Variants in KRTAP19-1 observed in about 807,000 individuals in gnomAD.
KRTAP19-1 encodes the protein keratin associated protein 19-1.
For synonymous variants in KRTAP19-1, 45 were observed against 48.3 expected, an observed-to-expected ratio of 0.93 and a Z score of 0.28; for missense variants, 116 against 113.6, an observed-to-expected ratio of 1.02 and a Z score of -0.10.
Position 30,480,284 on chromosome 21 carries a change from C to T in KRTAP19-1, c.34G>A (p.Gly12Ser), listed in dbSNP as rs777067792. 3.1e-6 allele frequency: 5 copies of T among 1,614,180 alleles called. No homozygotes were observed. The highest frequency in any genetic ancestry group is 1.7e-5 in the Admixed American group (1 of 60,014). ...SHYGSYYGGL[G>S]YSCGGFGGLG... ...CCACCGAAGCCTCCACAGCTGTAGC[C>T]CAGGCCTCCGTAGTAGCTGCCGTAG... Residue 12 changes from glycine (G) to serine (S), a missense_variant, in exon 1 of 1, where the codon GGC becomes AGC. By Grantham distance (56) the Gly-to-Ser change is moderately conservative. Transcript: ENST00000390689.
Position 30,480,125 on chromosome 21 carries a change from C to T in KRTAP19-1, c.193G>A (p.Gly65Ser), listed in dbSNP as rs1202478749. The T allele has an allele frequency of 6.2e-7, 1 of 1,600,244 alleles. No homozygotes were observed. Among genetic ancestry groups the T allele is most frequent in the Non-Finnish European group, 8.6e-7 (1 of 1,167,272 alleles). The change falls in exon 1 of 1, where the codon GGC (glycine) becomes AGC (serine). Residue 65 changes from glycine to serine, a missense_variant. Coordinates refer to ENST00000390689, the MANE Select transcript of KRTAP19-1 (RefSeq NM_181607.3). ...YGSGFGGYGY[G>S]SGFGGYGYGC... ...TATCCATAGCCTCCAAAGCCAGAGC[C>T]ATATCCGTAGCCTCCAAAGCCAGAG...
At position 30,479,863 on chromosome 21, in the gene KRTAP19-1, C is replaced by T; in HGVS notation, c.*182G>A. Reference sequence around the variant, plus strand: ...TGAATATGATTTCAGGTGACGGACTCCGAAAGTAAAAAGACAACAAATATT... The same window carrying T: ...TGAATATGATTTCAGGTGACGGACTTCGAAAGTAAAAAGACAACAAATATT... On this transcript the variant is annotated 3_prime_UTR_variant, in exon 1 of 1. Coordinates refer to ENST00000390689, the MANE Select transcript of KRTAP19-1 (RefSeq NM_181607.3). 1 of 887,210 alleles carries T rather than the reference C, an allele frequency of 1.1e-6. No homozygotes were observed. Among genetic ancestry groups the T allele is most frequent in the East Asian group, 2.5e-5 (1 of 40,590 alleles). 55.0% of individuals were successfully genotyped at this position (887,210 alleles called of 1,614,324 possible).
In KRTAP19-1 at chr21:30,480,179, C is replaced by T. The variant is rs1985732858; in HGVS notation, c.139G>A (p.Gly47Ser). Residue 47 changes from glycine (G) to serine (S), a missense_variant, in exon 1 of 1, where the codon GGC (glycine) becomes AGC (serine). Coordinates refer to ENST00000390689, the MANE Select transcript of KRTAP19-1 (RefSeq NM_181607.3). ...SGCGYGGYGY[G>S]SGFGSYGYGS... The stretch of plus-strand genomic sequence containing the variant: ...TATCCGTAGCTTCCAAAGCCAGAGC[C>T]ATATCCGTAGCCTCCATAGCCACAG... 2 of 1,614,008 alleles carry T rather than the reference C, an allele frequency of 1.2e-6. No individual in the cohort carries two copies. Among genetic ancestry groups the T allele is most frequent in the South Asian group, 1.1e-5 (1 of 91,078 alleles).
Position 30,480,326 on chromosome 21 carries a change from G to T in KRTAP19-1, c.-9C>A, listed in dbSNP as rs1428693498. Reference sequence around the variant, plus strand: ...CTGCCGTAGTGACTCATGGTGTCAGGAGTGGTGAGTTGGTTTGTTGTTCAG... The same window carrying T: ...CTGCCGTAGTGACTCATGGTGTCAGTAGTGGTGAGTTGGTTTGTTGTTCAG... On this transcript the variant is annotated 5_prime_UTR_variant, in exon 1 of 1. Coordinates refer to ENST00000390689, the MANE Select transcript of KRTAP19-1 (RefSeq NM_181607.3). 1.9e-6 allele frequency: 3 copies of T among 1,613,878 alleles called. No homozygotes were observed. The highest frequency in any genetic ancestry group is 1.3e-5 in the African/African-American group (1 of 74,936).
In KRTAP19-1 at chr21:30,480,089, G is replaced by C. The variant is rs779790994; in HGVS notation, c.229C>G (p.Arg77Gly). 112 of 1,613,936 alleles carry C rather than the reference G, an allele frequency of 6.9e-5. 1 individual carries two copies. The highest frequency in any genetic ancestry group is 9.3e-5 in the Non-Finnish European group (110 of 1,180,012). ...CCGTATCCTCCATTGTACGATGGGCGGCAGCAGCCATATCCATAGCCTCCA... is the reference window on the plus strand; with the variant it reads ...CCGTATCCTCCATTGTACGATGGGCCGCAGCAGCCATATCCATAGCCTCCA... ...GFGGYGYGCC[R>G]PSYNGGYGFS... Residue 77 changes from arginine (R) to glycine (G), a missense_variant, in exon 1 of 1, where the codon CGC becomes GGC. Coordinates refer to ENST00000390689, the MANE Select transcript of KRTAP19-1 (RefSeq NM_181607.3).
Position 30,480,366 on chromosome 21 carries a change from G to A in KRTAP19-1, c.-49C>T, listed in dbSNP as rs372648022. ...TTGTTGTTCAGGCAAGATCCTGAGTGTGAATGCCAGCATGTATAGGAGGTT... is the reference window on the plus strand; with the variant it reads ...TTGTTGTTCAGGCAAGATCCTGAGTATGAATGCCAGCATGTATAGGAGGTT... On this transcript the variant is annotated 5_prime_UTR_variant, in exon 1 of 1. Coordinates refer to ENST00000390689, the MANE Select transcript of KRTAP19-1 (RefSeq NM_181607.3). 1.3e-5 allele frequency: 21 copies of A among 1,606,514 alleles called. No individual in the cohort carries two copies. Among genetic ancestry groups the A allele is most frequent in the Admixed American group, 1.2e-4 (7 of 59,866 alleles).
Position 30,480,040 on chromosome 21 carries a change from T to A in KRTAP19-1, c.*5A>T, listed in dbSNP as rs111797391. ...TCTCCTCTGCTTCCAATTTCAGCAA[T>A]TCATTTAATAAAAGCCAGAGAATCC... On this transcript the variant is annotated 3_prime_UTR_variant, in exon 1 of 1. Transcript: ENST00000390689. 9 of 1,614,056 alleles carry A rather than the reference T, an allele frequency of 5.6e-6. No individual in the cohort carries two copies. Among genetic ancestry groups the A allele is most frequent in the Non-Finnish European group, 7.6e-6 (9 of 1,180,034 alleles).
chr21:30,480,141 A>C lies in KRTAP19-1; in HGVS notation c.177T>G (p.Phe59Leu). The C allele has an allele frequency of 6.2e-7, 1 of 1,613,436 alleles. No homozygotes were observed. Among genetic ancestry groups the C allele is most frequent in the African/African-American group, 1.3e-5 (1 of 74,970 alleles). Reference protein sequence around the residue: ...GFGSYGYGSGFGGYGYGSGFG... With the variant: ...GFGSYGYGSGLGGYGYGSGFG... ...AGCCAGAGCCATATCCGTAGCCTCC[A>C]AAGCCAGAGCCATATCCGTAGCTTC... Residue 59 changes from phenylalanine (F) to leucine (L), a missense_variant, in exon 1 of 1, where the codon TTT becomes TTG. Coordinates refer to ENST00000390689, the MANE Select transcript of KRTAP19-1 (RefSeq NM_181607.3).
rs1289827572 is a variant in KRTAP19-1, at chr21:30,480,113, C to T, written c.205G>A (p.Gly69Arg). ...CGGCAGCAGCCATATCCATAGCCTC[C>T]AAAGCCAGAGCCATATCCGTAGCCT... ...FGGYGYGSGF[G>R]GYGYGCCRPS... Residue 69 changes from glycine to arginine, a missense_variant, in exon 1 of 1, where the codon GGA (glycine) becomes AGA (arginine). Physicochemically the swap from Gly to Arg is moderately radical, Grantham distance 125 (BLOSUM62 -2). Transcript: ENST00000390689. 1.2e-6 allele frequency: 2 copies of T among 1,600,170 alleles called. No individual in the cohort carries two copies. The highest frequency in any genetic ancestry group is 2.2e-5 in the East Asian group (1 of 44,838).
rs2832908 is a variant in KRTAP19-1, at chr21:30,479,861, C to T, written c.*184G>A. Reference sequence around the variant, plus strand: ...CATGAATATGATTTCAGGTGACGGACTCCGAAAGTAAAAAGACAACAAATA... The same window carrying T: ...CATGAATATGATTTCAGGTGACGGATTCCGAAAGTAAAAAGACAACAAATA... On this transcript the variant is annotated 3_prime_UTR_variant, in exon 1 of 1. Transcript: ENST00000390689. 501,305 of 858,750 alleles carry T rather than the reference C, an allele frequency of 0.58. 148,903 individuals carry two copies. The highest frequency in any genetic ancestry group is 0.75 in the African/African-American group (44,614 of 59,128). 53.2% of individuals were successfully genotyped at this position (858,750 alleles called of 1,614,324 possible). A position where few individuals can be genotyped will look rare whatever the true frequency, so the allele number is the denominator to read the frequency against.
At chr21:30,480,069 TCC>T in the KRTAP19-1 span, 1 of 1,614,092 alleles carries the variant, frequency 6.2e-7, no homozygotes, top group Non-Finnish European at 8.5e-7. Flanking sequence ...AGAATCCGTA[TCC>T]TCCATTGTAC....
In KRTAP19-1 at chr21:30,480,002, A is replaced by G. The variant is rs772043888; in HGVS notation, c.*43T>C. ...ATGAAAGCACGGGACAGGACCAAAC[A>G]CATTTGGAGGTTTCTCCTCTGCTTC... On this transcript the variant is annotated 3_prime_UTR_variant, in exon 1 of 1. Coordinates refer to ENST00000390689, the MANE Select transcript of KRTAP19-1 (RefSeq NM_181607.3). The G allele has an allele frequency of 6.2e-7, 1 of 1,613,248 alleles. No individual in the cohort carries two copies. Among genetic ancestry groups the G allele is most frequent in the Non-Finnish European group, 8.5e-7 (1 of 1,179,254 alleles).
In KRTAP19-1 at chr21:30,479,726, T is replaced by C. The variant is rs1441704338; in HGVS notation, c.*319A>G. 3.6e-6 allele frequency: 1 copy of C among 276,018 alleles called. No individual in the cohort carries two copies. Among genetic ancestry groups the C allele is most frequent in the Non-Finnish European group, 6.9e-6 (1 of 145,632 alleles). 17.1% of individuals were successfully genotyped at this position (276,018 alleles called of 1,614,324 possible). On this transcript the variant is annotated 3_prime_UTR_variant, in exon 1 of 1. Transcript: ENST00000390689. ...AAATATTTATACTTTACTTCATTTA[T>C]TAGATAAAAGCAAAATACAAGTTTT... is the stretch of plus-strand genomic sequence containing the variant.
In KRTAP19-1 at chr21:30,479,865, G is replaced by A. The variant is rs534455550; in HGVS notation, c.*180C>T. 5.3e-5 allele frequency: 48 copies of A among 905,920 alleles called. 1 individual carries two copies. Among genetic ancestry groups the A allele is most frequent in the South Asian group, 2.2e-4 (13 of 59,208 alleles). The allele number at this position is 905,920 out of a possible 1,614,324, so 56.1% of individuals were successfully genotyped here. ...AATATGATTTCAGGTGACGGACTCCGAAAGTAAAAAGACAACAAATATTCA... is the reference window on the plus strand; with the variant it reads ...AATATGATTTCAGGTGACGGACTCCAAAAGTAAAAAGACAACAAATATTCA... On this transcript the variant is annotated 3_prime_UTR_variant, in exon 1 of 1. Transcript: ENST00000390689.
chr21:30,480,032 T>A lies in KRTAP19-1; in HGVS notation c.*13A>T, dbSNP rs776093990. Reference sequence around the variant, plus strand: ...TGGAGGTTTCTCCTCTGCTTCCAATTTCAGCAATTCATTTAATAAAAGCCA... The same window carrying A: ...TGGAGGTTTCTCCTCTGCTTCCAATATCAGCAATTCATTTAATAAAAGCCA... On this transcript the variant is annotated 3_prime_UTR_variant, in exon 1 of 1. Transcript: ENST00000390689. 6.2e-7 allele frequency: 1 copy of A among 1,614,172 alleles called. No individual in the cohort carries two copies. Among genetic ancestry groups the A allele is most frequent in the South Asian group, 1.1e-5 (1 of 91,074 alleles).
In KRTAP19-1 at chr21:30,479,727, T is replaced by A. The variant is rs1985716985; in HGVS notation, c.*318A>T. ...AATATTTATACTTTACTTCATTTAT[T>A]AGATAAAAGCAAAATACAAGTTTTT... On this transcript the variant is annotated 3_prime_UTR_variant, in exon 1 of 1. Transcript: ENST00000390689. 1 of 278,724 alleles carries A rather than the reference T, an allele frequency of 3.6e-6. No individual in the cohort carries two copies. The highest frequency in any genetic ancestry group is 2.2e-5 in the African/African-American group (1 of 46,440). 17.3% of individuals were successfully genotyped at this position (278,724 alleles called of 1,614,324 possible). A position where few individuals can be genotyped will look rare whatever the true frequency, so the allele number is the denominator to read the frequency against.
Position 30,480,170 on chromosome 21 carries a change from A to G in KRTAP19-1, c.148T>C (p.Phe50Leu), listed in dbSNP as rs2123481488. 1 of 1,614,150 alleles carries G rather than the reference A, an allele frequency of 6.2e-7. No homozygotes were observed. Among genetic ancestry groups the G allele is most frequent in the East Asian group, 2.2e-5 (1 of 44,876 alleles). Reference protein sequence around the residue: ...GYGGYGYGSGFGSYGYGSGFG... With the variant: ...GYGGYGYGSGLGSYGYGSGFG... ...CCAGAGCCATATCCGTAGCTTCCAA[A>G]GCCAGAGCCATATCCGTAGCCTCCA... The change falls in exon 1 of 1, where the codon TTT becomes CTT. Residue 50 changes from phenylalanine (F) to leucine (L), a missense_variant. Coordinates refer to ENST00000390689, the MANE Select transcript of KRTAP19-1 (RefSeq NM_181607.3).
At position 30,480,256 on chromosome 21, in the gene KRTAP19-1, A is replaced by G. The variant is rs201298020; in HGVS notation, c.62T>C (p.Leu21Pro). The G allele has an allele frequency of 3.1e-4, 506 of 1,614,070 alleles. 1 individual carries two copies. Among genetic ancestry groups the G allele is most frequent in the Non-Finnish European group, 3.4e-4 (403 of 1,179,992 alleles). Residue 21 changes from leucine to proline, a missense_variant, in exon 1 of 1, where the codon CTG (leucine) becomes CCG (proline). Physicochemically the swap from Leu to Pro is moderately conservative, Grantham distance 98. Transcript: ENST00000390689. ...LGYSCGGFGGLGYGYGCGCGS... is the reference protein window; with the variant it reads ...LGYSCGGFGGPGYGYGCGCGS... ...ACATCCACAGCCATAGCCATAGCCC[A>G]GGCCACCGAAGCCTCCACAGCTGTA... is the stretch of plus-strand genomic sequence containing the variant.
chr21:30,480,109 C>G lies in KRTAP19-1; in HGVS notation c.209G>C (p.Gly70Ala), dbSNP rs768003210. 6.2e-7 allele frequency: 1 copy of G among 1,600,318 alleles called. No homozygotes were observed. The highest frequency in any genetic ancestry group is 8.6e-7 in the Non-Finnish European group (1 of 1,167,214). The change falls in exon 1 of 1, where the codon GGC (glycine) becomes GCC (alanine). Residue 70 changes from glycine (G) to alanine (A), a missense_variant. Gly to Ala is a moderately conservative substitution (Grantham distance 60, BLOSUM62 0). Transcript: ENST00000390689. ...TGGGCGGCAGCAGCCATATCCATAG[C>G]CTCCAAAGCCAGAGCCATATCCGTA... ...GGYGYGSGFG[G>A]YGYGCCRPSY...
Sources: gnomAD v4.1 joint callset for allele counts on GRCh38, gnomAD v4.1.1 for gene constraint, MANE v1.5 for transcripts, NCBI Gene and HGNC (gene_info 2026-07-23, HGNC 2026-07-21) for gene names.